SPAG6: variants seen among roughly 807,000 people sequenced by gnomAD.
SPAG6 encodes the protein sperm-associated antigen 6.
SPAG6 carries 49 observed loss-of-function variants against 58.5 expected under a neutral mutation model. The ratio of observed to expected loss-of-function variants is 0.84; its 90% CI spans 0.67 to 1.06. SPAG6 has a LOEUF of 1.06. Ranked by LOEUF, SPAG6 falls within the 50% of genes least tolerant of loss-of-function variation. SPAG6 has a pLI of 0.00. For synonymous variants in SPAG6, 233 were observed against 225.6 expected, an observed-to-expected ratio of 1.03 and a Z score of -0.29; for missense variants, 560 against 611.3, an observed-to-expected ratio of 0.92 and a Z score of 0.89.
chr10:22,345,712 C>G lies in SPAG6; in HGVS notation c.26-11C>G, dbSNP rs775385078. On this transcript the variant is annotated splice_polypyrimidine_tract_variant and intron_variant, in intron 1 of 10. Transcript: ENST00000376624. The surrounding 1 kb of genome is among the most constrained non-coding windows in gnomAD (Gnocchi z 6.3). ...GGGTGCGGTGGGCTCCACCGACTCT[C>G]TCTCCCGCAGTGTTCGAGCAATACC... is the stretch of plus-strand genomic sequence containing the variant. The G allele has an allele frequency of 4.4e-6, 7 of 1,608,412 alleles. No individual in the cohort carries two copies. Among genetic ancestry groups the G allele is most frequent in the Admixed American group, 3.4e-5 (2 of 59,480 alleles).
intron 9 of SPAG6, among the ~76,000 whole-genome samples, chr10:22,405,062 T>A (rs1834516510): frequency 6.6e-6 from 1 of 152,232 alleles, no homozygotes; most frequent in Non-Finnish European, 1.5e-5. Context: ...TTTCTAGATA[T>A]ACAATCATGT....
chr10:22,414,120 A>G (rs1170901708), intron 10 of SPAG6, among the ~76,000 whole-genome samples: 1 of 152,184 alleles, frequency 6.6e-6, no homozygotes, highest in African/African-American at 2.4e-5. Flanking sequence ...TTTTTCTTCA[A>G]AATCTCTGCC....
intron 10 of SPAG6, 101 bp downstream of exon 10, chr10:22,411,277 T>G: frequency 1.0e-6 from 1 of 1,001,194 alleles, no homozygotes; most frequent in Non-Finnish European, 1.5e-6. Flanking sequence ...GACTTTGAAA[T>G]ACGATGTGAG....
intron 5 of SPAG6, 70 bp from the exon 6 acceptor site, chr10:22,387,753 C>A: frequency 6.9e-7 from 1 of 1,439,410 alleles, no homozygotes; most frequent in Non-Finnish European, 9.3e-7. Flanking sequence ...AAACTGTTTA[C>A]ATTACATCTG....
At chr10:22,389,063 G>A (rs1449277000) in intron 6 of SPAG6, 97 bp from the exon 7 acceptor site, 2 of 926,076 alleles carry the variant, frequency 2.2e-6, no homozygotes, top group Non-Finnish European at 3.1e-6. Flanking sequence ...AATTTCACCA[G>A]TTGTTTTTAG....
chr10:22,370,725 A>T (rs1833664482), intron 4 of SPAG6, among the ~76,000 whole-genome samples: 1 of 152,230 alleles, frequency 6.6e-6, no homozygotes, highest in Non-Finnish European at 1.5e-5. Context: ...TATTTTCTTA[A>T]ATCTAGATTT....
Position 22,360,278 on chromosome 10 carries a change from A to AT in SPAG6, c.122-4564dup, listed in dbSNP as rs1052947269. ...GACTGTGGACAGGATCAGTGTGGCT[A>AT]TTTTTTTTTTTAAATTTTTGAGTGT... On this transcript the variant is annotated intron_variant, in intron 2 of 10. Coordinates refer to ENST00000376624, the MANE Select transcript of SPAG6 (RefSeq NM_012443.4). Among the ~76,000 whole-genome samples, 664 of 132,150 alleles carry AT rather than the reference A, an allele frequency of 5.0e-3. 5 individuals carry two copies. The highest frequency in any genetic ancestry group is 0.017 in the African/African-American group (628 of 35,986). The allele number at this position is 132,150 out of a possible 152,430, so 86.7% of individuals were successfully genotyped here. A position where few individuals can be genotyped will look rare whatever the true frequency, so the allele number is the denominator to read the frequency against.
In SPAG6 at chr10:22,364,910, C is replaced by T. The variant is rs17856866; in HGVS notation, c.179C>T (p.Thr60Ile). ...GACGTGGTCCCAACAATTCAACAGA[C>T]TGCTGCTTTGGCTCTTGGGAGACTG... ...LLDVVPTIQQTAALALGRLAN... is the reference protein window; with the variant it reads ...LLDVVPTIQQIAALALGRLAN... The change falls in exon 3 of 11, where the codon ACT becomes ATT. Residue 60 changes from threonine (T) to isoleucine (I), a missense_variant. Coordinates refer to ENST00000376624, the MANE Select transcript of SPAG6 (RefSeq NM_012443.4). 2 of 1,613,498 alleles carry T rather than the reference C, an allele frequency of 1.2e-6. No individual in the cohort carries two copies. Among genetic ancestry groups the T allele is most frequent in the South Asian group, 2.2e-5 (2 of 91,050 alleles).
intron 4 of SPAG6, among the ~76,000 whole-genome samples, chr10:22,383,010 G>A (rs1315052382): frequency 6.6e-6 from 1 of 152,068 alleles, no homozygotes; most frequent in Non-Finnish European, 1.5e-5. Context: ...TGTTTGTTAT[G>A]TAACAGTATA....
In SPAG6 at chr10:22,414,008, A is replaced by G. The variant is rs114117289; in HGVS notation, c.1461-2611A>G. ...AGTAATCTTTAAATTTTTTTAATGA[A>G]GAAAGGTAGGTAAATGAGAGGAAAG... On this transcript the variant is annotated intron_variant, in intron 10 of 10. Coordinates refer to ENST00000376624, the MANE Select transcript of SPAG6 (RefSeq NM_012443.4). 2.5e-3 allele frequency among the ~76,000 whole-genome samples: 376 copies of G among 152,212 alleles called. 2 individuals carry two copies. Among genetic ancestry groups the G allele is most frequent in the African/African-American group, 8.8e-3 (367 of 41,514 alleles).
At chr10:22,346,437 T>C (rs182379037) in intron 2 of SPAG6, among the ~76,000 whole-genome samples, 93 of 112,428 alleles carry the variant, frequency 8.3e-4, no homozygotes, top group Non-Finnish European at 1.3e-3. Context: ...ATGGTTCTTC[T>C]TCTTCTTCTT....
At chr10:22,368,810 G>A (rs925531607) in intron 4 of SPAG6, 132 bp downstream of exon 4, 11 of 598,522 alleles carry the variant, frequency 1.8e-5, no homozygotes, top group East Asian at 3.0e-5. Flanking sequence ...TGAGAAGTAC[G>A]TTTTGAATGA....
At chr10:22,378,174 C>T (rs1256205487) in intron 4 of SPAG6, among the ~76,000 whole-genome samples, 3 of 151,370 alleles carry the variant, frequency 2.0e-5, no homozygotes, top group African/African-American at 7.3e-5. Context: ...AACGATTCAC[C>T]CACCTCAGCC....
chr10:22,381,361 A>AC (rs1442494555), intron 4 of SPAG6, among the ~76,000 whole-genome samples: 2 of 151,724 alleles, frequency 1.3e-5, no homozygotes, highest in African/African-American at 4.9e-5. Flanking sequence ...ACACTTAAAA[A>AC]CCAGATAATT....
At chr10:22,371,295 C>T (rs780529836) in intron 4 of SPAG6, among the ~76,000 whole-genome samples, 3 of 152,024 alleles carry the variant, frequency 2.0e-5, no homozygotes, top group Non-Finnish European at 4.4e-5. Context: ...GCTCTGTCGC[C>T]CAGGCTGGAG....
At chr10:22,371,093 A>C (rs75161466) in intron 4 of SPAG6, among the ~76,000 whole-genome samples, 3,348 of 152,208 alleles carry the variant, frequency 0.022, 109 homozygotes, top group African/African-American at 0.077. Context: ...TTCCACTGTA[A>C]TTTCAATATT....
At chr10:22,382,159 T>C (rs1055852777) in intron 4 of SPAG6, among the ~76,000 whole-genome samples, 1 of 152,132 alleles carries the variant, frequency 6.6e-6, no homozygotes, top group African/African-American at 2.4e-5. Flanking sequence ...ATGGAAAAAC[T>C]GAGAGAGGCA....
chr10:22,409,621 A>T (rs546189283), intron 9 of SPAG6, among the ~76,000 whole-genome samples: 3 of 152,336 alleles, frequency 2.0e-5, no homozygotes, highest in South Asian at 4.1e-4. Context: ...TAGGGCTTCA[A>T]TGGAGGAAGG....
At chr10:22,393,794 T>C (rs931734486) in intron 8 of SPAG6, among the ~76,000 whole-genome samples, 1 of 152,128 alleles carries the variant, frequency 6.6e-6, no homozygotes, top group Admixed American at 6.5e-5. Flanking sequence ...TTTTAAAGGG[T>C]GTAGAATAAA....
Sources: allele counts gnomAD v4.1 joint callset (sites outside exome capture counted in the v4.1 genomes callset), GRCh38; gene constraint gnomAD v4.1.1; non-coding constraint Gnocchi (gnomAD v3.1); transcripts MANE v1.5; gene names NCBI Gene and HGNC (gene_info 2026-07-23, HGNC 2026-07-21).